The following GGCT variants were observed in gnomAD, a reference collection of about 807,000 sequenced individuals.
The protein encoded by GGCT is gamma-glutamylcyclotransferase.
In GGCT, 20 loss-of-function variants were observed where a neutral mutation model predicts 22.1. That is an observed-to-expected ratio of 0.91 (90% CI 0.64 to 1.32). GGCT has a LOEUF of 1.32. Among genes scored for constraint, GGCT ranks in the 40% most tolerant of loss-of-function variants. The pLI is 0.00. For synonymous variants in GGCT, 72 were observed against 78.4 expected (o/e 0.92, Z 0.43); for missense variants, 209 against 223.5 (o/e 0.94, Z 0.41).
Position 30,504,785 on chromosome 7 carries a change from T to G in GGCT, c.-76A>C. Reference sequence around the variant, plus strand: ...CAGAGAGCGCAACACTGGGGCCCACTACCCCGGCGCAGTGACCGCCGCGCG... The same window carrying G: ...CAGAGAGCGCAACACTGGGGCCCACGACCCCGGCGCAGTGACCGCCGCGCG... On this transcript the variant is annotated 5_prime_UTR_variant, in exon 1 of 4. Coordinates refer to ENST00000275428, the MANE Select transcript of GGCT (RefSeq NM_024051.4). The G allele has an allele frequency of 6.3e-6, 9 of 1,438,116 alleles. No homozygotes were observed. The highest frequency in any genetic ancestry group is 7.8e-6 in the Non-Finnish European group (8 of 1,028,684). 89.1% of individuals were successfully genotyped at this position (1,438,116 alleles called of 1,614,324 possible).
intron 2 of GGCT, among the ~76,000 whole-genome samples, chr7:30,499,482 T>G (rs1789644257): frequency 6.6e-6 from 1 of 151,578 alleles, no homozygotes; most frequent in South Asian, 2.1e-4. Context: ...GGTGGGTGGA[T>G]CATCTGAGGT....
intron 3 of GGCT, among the ~76,000 whole-genome samples, chr7:30,498,212 A>G (rs1789605422): frequency 6.6e-6 from 1 of 151,216 alleles, no homozygotes; most frequent in African/African-American, 2.4e-5. Context: ...GAAAGAAAAA[A>G]AGAAAGGGAG....
At chr7:30,497,609 AC>A (rs1789581539) in intron 3 of GGCT, 1 of 464,386 alleles carries the variant, frequency 2.2e-6, no homozygotes, top group Non-Finnish European at 3.6e-6. Flanking sequence ...GCCAGAGGTT[AC>A]CCTTGCTCTG....
Position 30,500,573 on chromosome 7 carries a change from A to G in GGCT, c.250T>C (p.Trp84Arg), listed in dbSNP as rs768008895. 1.2e-6 allele frequency: 2 copies of G among 1,613,760 alleles called. No homozygotes were observed. Among genetic ancestry groups the G allele is most frequent in the Non-Finnish European group, 1.7e-6 (2 of 1,179,690 alleles). Residue 84 changes from tryptophan (W) to arginine (R), a missense_variant, in exon 2 of 4, where the codon TGG (tryptophan) becomes CGG (arginine). Trp to Arg is a moderately radical substitution (Grantham distance 101). Transcript: ENST00000275428. The stretch of plus-strand genomic sequence containing the variant: ...TTTAAATTGCTTTTGTTCATTTTCC[A>G]TACTACTCCCCACACTTCATCGCCA... Reference protein sequence around the residue: ...SPGDEVWGVVWKMNKSNLNSL... With the variant: ...SPGDEVWGVVRKMNKSNLNSL...
chr7:30,503,632 G>A (rs910327902), intron 1 of GGCT, among the ~76,000 whole-genome samples: 1 of 151,994 alleles, frequency 6.6e-6, no homozygotes, highest in Admixed American at 6.6e-5. Context: ...CAGCAGTGGC[G>A]TGGAAGAGGC....
chr7:30,504,523 T>A, intron 1 of GGCT, 46 bp downstream of exon 1: 1 of 1,608,750 alleles, frequency 6.2e-7, no homozygotes. Context: ...AAGCGCCTTC[T>A]GGGCATCCCG....
In GGCT at chr7:30,497,796, T is replaced by C. The variant is rs775325678; in HGVS notation, c.424-561A>G. ...TGCCAACAGAGAGCTAAGCTTAGGT[T>C]CTGAACAGGAATTTTGGGGTCTCTA... is the stretch of plus-strand genomic sequence containing the variant. On this transcript the variant is annotated intron_variant, in intron 3 of 3. Coordinates refer to ENST00000275428, the MANE Select transcript of GGCT (RefSeq NM_024051.4). 2.5e-5 allele frequency: 37 copies of C among 1,466,870 alleles called. No homozygotes were observed. The Middle Eastern group carries it at 1.4e-3, about 56-fold the overall frequency. 90.9% of individuals were successfully genotyped at this position (1,466,870 alleles called of 1,614,324 possible).
chr7:30,499,018 C>T (rs1789630854), intron 2 of GGCT, 80 bp from the exon 3 acceptor site: 1 of 1,256,600 alleles, frequency 8.0e-7, no homozygotes, highest in African/African-American at 1.5e-5. Flanking sequence ...TTATAATAGT[C>T]AAGATGGTGT....
chr7:30,500,572 C>T lies in GGCT; in HGVS notation c.251G>A (p.Trp84Ter). ...SPGDEVWGVVWKMNKSNLNSL... is the reference protein window; with the variant it reads ...SPGDEVWGVV ...ATTTAAATTGCTTTTGTTCATTTTC[C>T]ATACTACTCCCCACACTTCATCGCC... The change falls in exon 2 of 4, where the codon TGG (tryptophan) becomes TAG (stop). Residue 84 changes from tryptophan (W) to a stop codon, truncating the protein, a stop_gained. Transcript: ENST00000275428. LOFTEE classifies it high-confidence loss of function. 1 of 1,613,616 alleles carries T rather than the reference C, an allele frequency of 6.2e-7. No individual in the cohort carries two copies. Among genetic ancestry groups the T allele is most frequent in the Non-Finnish European group, 8.5e-7 (1 of 1,179,624 alleles).
At position 30,504,557 on chromosome 7, in the gene GGCT, G is replaced by T. The variant is rs200121537; in HGVS notation, c.141+12C>A. ...CGGCCCCGGCGTGGGTAGCGCGGGA[G>T]GGGGCACTCACCTGCAGGCGGGCCA... On this transcript the variant is annotated intron_variant, in intron 1 of 3. Coordinates refer to ENST00000275428, the MANE Select transcript of GGCT (RefSeq NM_024051.4). 2.9e-5 allele frequency: 47 copies of T among 1,612,970 alleles called. No homozygotes were observed. In the African/African-American group the frequency reaches 5.2e-4, roughly 18 times the overall value.
Position 30,498,942 on chromosome 7 carries a change from A to C in GGCT, c.288-4T>G, listed in dbSNP as rs1284719799. 6.8e-6 allele frequency: 11 copies of C among 1,613,844 alleles called. No individual in the cohort carries two copies. The highest frequency in any genetic ancestry group is 1.3e-5 in the African/African-American group (1 of 74,902). On this transcript the variant is annotated splice_region_variant and splice_polypyrimidine_tract_variant and intron_variant, in intron 2 of 3. Coordinates refer to ENST00000275428, the MANE Select transcript of GGCT (RefSeq NM_024051.4). ...TCCACTTTTAACCCCTTCTTGCCTG[A>C]AACCAGAACAGCCAAATTTTAACCA...
chr7:30,498,192 AAGAAAGAG>A (rs1318168129), intron 3 of GGCT, among the ~76,000 whole-genome samples: 3 of 151,042 alleles, frequency 2.0e-5, no homozygotes, highest in Non-Finnish European at 3.0e-5. Context: ...AAAAGAAAGA[AAGAAAGAG>A]AGAAAGAAAA....
At chr7:30,502,966 T>C (rs557257814) in intron 1 of GGCT, among the ~76,000 whole-genome samples, 3 of 152,344 alleles carry the variant, frequency 2.0e-5, no homozygotes, top group African/African-American at 7.2e-5. Context: ...TCCTGGAAGA[T>C]GTGGCCCTTC....
intron 1 of GGCT, 119 bp from the exon 2 acceptor site, chr7:30,500,800 C>T (rs2128124005): frequency 4.4e-6 from 3 of 687,528 alleles, no homozygotes; most frequent in Non-Finnish European, 7.3e-6. Flanking sequence ...AACTGAGTTC[C>T]TTCTATGCAT....
In GGCT at chr7:30,502,816, G is replaced by A. The variant is rs141126122; in HGVS notation, c.141+1753C>T. Among the ~76,000 whole-genome samples, 538 of 152,316 alleles carry A rather than the reference G, an allele frequency of 3.5e-3. 4 individuals are homozygous for A. Among genetic ancestry groups the A allele is most frequent in the African/African-American group, 0.012 (502 of 41,562 alleles). On this transcript the variant is annotated intron_variant, in intron 1 of 3. Coordinates refer to ENST00000275428, the MANE Select transcript of GGCT (RefSeq NM_024051.4). ...TTCATTATCTTTGGCATAAATTGCTGCAAAAACTTCTTGAACTCTCCACAT... is the reference window on the plus strand; with the variant it reads ...TTCATTATCTTTGGCATAAATTGCTACAAAAACTTCTTGAACTCTCCACAT...
chr7:30,500,581 C>T lies in GGCT; in HGVS notation c.242G>A (p.Gly81Glu). The change falls in exon 2 of 4, where the codon GGA becomes GAA. Residue 81 changes from glycine to glutamate, a missense_variant. Coordinates refer to ENST00000275428, the MANE Select transcript of GGCT (RefSeq NM_024051.4). ...IFQSPGDEVW[G>E]VVWKMNKSNL... is the part of the protein sequence containing the mutation. Reference sequence around the variant, plus strand: ...GCTTTTGTTCATTTTCCATACTACTCCCCACACTTCATCGCCAGGACTCTG... The same window carrying T: ...GCTTTTGTTCATTTTCCATACTACTTCCCACACTTCATCGCCAGGACTCTG... 6.2e-7 allele frequency: 1 copy of T among 1,613,712 alleles called. No homozygotes were observed. The highest frequency in any genetic ancestry group is 8.5e-7 in the Non-Finnish European group (1 of 1,179,598).
At position 30,501,172 on chromosome 7, in the gene GGCT, G is replaced by A. The variant is rs185934670; in HGVS notation, c.142-491C>T. ...TGGCATTTGAGGATGAATGATTTGT[G>A]TACTTATGAACACTAATACTCACGA... On this transcript the variant is annotated intron_variant, in intron 1 of 3. Transcript: ENST00000275428. 3.3e-3 allele frequency among the ~76,000 whole-genome samples: 507 copies of A among 152,238 alleles called. 5 individuals are homozygous for A. The highest frequency in any genetic ancestry group is 3.4e-3 in the Middle Eastern group (1 of 294).
At position 30,497,192 on chromosome 7, in the gene GGCT, T is replaced by C; in HGVS notation, c.467A>G (p.Tyr156Cys). The C allele has an allele frequency of 6.2e-7, 1 of 1,612,218 alleles. No homozygotes were observed. Among genetic ancestry groups the C allele is most frequent in the East Asian group, 2.2e-5 (1 of 44,808 alleles). ...TTCTATTGCTTTTAACTTCTCTTGA[T>C]ACTCCAGCGGCAAACCATTTTCTTT... is the stretch of plus-strand genomic sequence containing the variant. Reference protein sequence around the residue: ...GAKENGLPLEYQEKLKAIEPN... With the variant: ...GAKENGLPLECQEKLKAIEPN... The change falls in exon 4 of 4, where the codon TAT becomes TGT. Residue 156 changes from tyrosine to cysteine, a missense_variant. Tyr to Cys is a radical substitution (Grantham distance 194, BLOSUM62 -2). Transcript: ENST00000275428.
chr7:30,498,797 G>T lies in GGCT; in HGVS notation c.423+6C>A. Reference sequence around the variant, plus strand: ...AGTAATCACCACCAGTCTGTAAATAGCTTACCTTTTTATACTGTGGGGATG... The same window carrying T: ...AGTAATCACCACCAGTCTGTAAATATCTTACCTTTTTATACTGTGGGGATG... On this transcript the variant is annotated splice_donor_region_variant and intron_variant, in intron 3 of 3. Coordinates refer to ENST00000275428, the MANE Select transcript of GGCT (RefSeq NM_024051.4). 6.2e-7 allele frequency: 1 copy of T among 1,609,360 alleles called. No homozygotes were observed. Among genetic ancestry groups the T allele is most frequent in the Non-Finnish European group, 8.5e-7 (1 of 1,176,122 alleles).
Sources: gnomAD v4.1 joint callset for allele counts (sites outside exome capture counted in the v4.1 genomes callset) on GRCh38, gnomAD v4.1.1 for gene constraint, MANE v1.5 for transcripts, NCBI Gene and HGNC (gene_info 2026-07-23, HGNC 2026-07-21) for gene names.